The following MFSD6 variants were observed in gnomAD, a reference collection of about 807,000 sequenced individuals.
MFSD6 encodes the protein major facilitator superfamily domain containing 6, also known as major facilitator superfamily domain-containing protein 6.
MFSD6 carries 26 observed loss-of-function variants against 56.3 expected under a neutral mutation model. The ratio of observed to expected loss-of-function variants is 0.46; its 90% CI spans 0.34 to 0.64. The LOEUF is 0.64. Among genes scored for constraint, MFSD6 ranks in the 30% least tolerant of loss-of-function variants. MFSD6 has a pLI of 0.01. For synonymous variants in MFSD6, 331 were observed against 366.9 expected (o/e 0.90, Z 1.12); for missense variants, 750 against 986.2 (o/e 0.76, Z 3.21).
Position 190,458,661 on chromosome 2 carries a change from T to C in MFSD6, c.1533-11097T>C, listed in dbSNP as rs572108171. ...TGACCGTTTCTAGAGATATGGAACT[T>C]GCTGTCTCCAAAGGCAGTGGAGGTC... is the stretch of plus-strand genomic sequence containing the variant. On this transcript the variant is annotated intron_variant, in intron 3 of 7. Coordinates refer to ENST00000392328, the MANE Select transcript of MFSD6 (RefSeq NM_017694.4). The surrounding 1 kb of genome is among the most constrained non-coding windows in gnomAD (Gnocchi z 5.3). Among the ~76,000 whole-genome samples, 1 of 152,306 alleles carries C rather than the reference T, an allele frequency of 6.6e-6. No homozygotes were observed. Among genetic ancestry groups the C allele is most frequent in the African/African-American group, 2.4e-5 (1 of 41,556 alleles).
rs1318611893 is a variant in MFSD6, at chr2:190,471,263, C to T, written c.1630+1408C>T. Among the ~76,000 whole-genome samples the T allele has an allele frequency of 4.6e-5, 7 of 152,272 alleles. No individual in the cohort carries two copies. Among genetic ancestry groups the T allele is most frequent in the South Asian group, 2.1e-4 (1 of 4,822 alleles). On this transcript the variant is annotated intron_variant, in intron 4 of 7. Coordinates refer to ENST00000392328, the MANE Select transcript of MFSD6 (RefSeq NM_017694.4). This position sits in a 1 kb window ranked among gnomAD's most constrained non-coding sequence, Gnocchi z 4.7. ...TGGGTGCAGGATAGTGGGTGCAGCG[C>T]GGTGAGCGTGAGCTGAAGCAGGGCG...
chr2:190,411,890 T>A (rs1449904019), intron 1 of MFSD6: 2 of 985,292 alleles, frequency 2.0e-6, no homozygotes, highest in Non-Finnish European at 2.4e-6. Flanking sequence ...AATTTCTTTC[T>A]TCCTGGTCTT....
At position 190,488,151 on chromosome 2, in the gene MFSD6, T is replaced by C. The variant is rs989405153; in HGVS notation, c.1631-506T>C. 1.3e-5 allele frequency among the ~76,000 whole-genome samples: 2 copies of C among 152,218 alleles called. No individual in the cohort carries two copies. The highest frequency in any genetic ancestry group is 4.8e-5 in the African/African-American group (2 of 41,452). On this transcript the variant is annotated intron_variant, in intron 4 of 7. Transcript: ENST00000392328. This position sits in a 1 kb window ranked among gnomAD's most constrained non-coding sequence, Gnocchi z 6.4. ...CTCCTGACCTCGTGATCCACCCGCC[T>C]CGGCCTCCCAAAGTGCTGGGATTAC...
In MFSD6 at chr2:190,431,867, ATTCC is replaced by A. The variant is rs1686016189; in HGVS notation, c.-53-4107_-53-4104del. Among the ~76,000 whole-genome samples, 3 of 152,196 alleles carry A rather than the reference ATTCC, an allele frequency of 2.0e-5. No individual in the cohort carries two copies. The highest frequency in any genetic ancestry group is 7.2e-5 in the African/African-American group (3 of 41,446). ...AAATTCCAGAGCTTTTTATTCAAGTATTCCTTTTATCTGTCCATCCTTTTTCTTT... is the reference window on the plus strand; with the variant it reads ...AAATTCCAGAGCTTTTTATTCAAGTATTTTATCTGTCCATCCTTTTTCTTT... On this transcript the variant is annotated intron_variant, in intron 2 of 7. Coordinates refer to ENST00000392328, the MANE Select transcript of MFSD6 (RefSeq NM_017694.4). The surrounding 1 kb of genome is among the most constrained non-coding windows in gnomAD (Gnocchi z 4.4).
Position 190,490,987 on chromosome 2 carries a change from G to T in MFSD6, c.1891+1121G>T, listed in dbSNP as rs1446529436. On this transcript the variant is annotated intron_variant, in intron 6 of 7. Transcript: ENST00000392328. The surrounding 1 kb of genome is among the most constrained non-coding windows in gnomAD (Gnocchi z 4.5). ...TCTCTCTTACACAGCCTCAGTCCAT[G>T]CCTCATGTAAAAGACCAATAAAAAT... Among the ~76,000 whole-genome samples the T allele has an allele frequency of 6.6e-6, 1 of 152,160 alleles. No individual in the cohort carries two copies. The highest frequency in any genetic ancestry group is 1.5e-5 in the Non-Finnish European group (1 of 68,034).
chr2:190,478,272 G>A (rs1399924054), intron 4 of MFSD6, among the ~76,000 whole-genome samples: 1 of 152,172 alleles, frequency 6.6e-6, no homozygotes, highest in Non-Finnish European at 1.5e-5. Context: ...CAGCCTCCTA[G>A]TGCAACAGAG....
In MFSD6 at chr2:190,485,541, G is replaced by GA. The variant is rs1016737790; in HGVS notation, c.1631-3108dup. Among the ~76,000 whole-genome samples the GA allele has an allele frequency of 4.5e-4, 69 of 151,668 alleles. No individual in the cohort carries two copies. Among genetic ancestry groups the GA allele is most frequent in the South Asian group, 2.9e-3 (14 of 4,812 alleles). On this transcript the variant is annotated intron_variant, in intron 4 of 7. Coordinates refer to ENST00000392328, the MANE Select transcript of MFSD6 (RefSeq NM_017694.4). This position sits in a 1 kb window ranked among gnomAD's most constrained non-coding sequence, Gnocchi z 5.1. ...GAGTTTTTCCCCCAGTGTGGTTAAT[G>GA]AAAAAAAATCTGCATATGTGAAAAG...
chr2:190,482,454 A>G (rs1042298584), intron 4 of MFSD6, among the ~76,000 whole-genome samples: 1 of 147,230 alleles, frequency 6.8e-6, no homozygotes. Context: ...TGGTCTATTC[A>G]TGGGAAAGGT....
In MFSD6 at chr2:190,457,260, CT is replaced by C. The variant is rs1177038130; in HGVS notation, c.1533-12497del. 4.6e-5 allele frequency among the ~76,000 whole-genome samples: 7 copies of C among 152,324 alleles called. No individual in the cohort carries two copies. ...CCGACTTTGTGGCCCCGGTCCACCC[CT>C]GTGGCCCTCTCCTTCCTTGTCTCTG... On this transcript the variant is annotated intron_variant, in intron 3 of 7. Coordinates refer to ENST00000392328, the MANE Select transcript of MFSD6 (RefSeq NM_017694.4). The surrounding 1 kb of genome is among the most constrained non-coding windows in gnomAD (Gnocchi z 5.1).
rs1686204143 is a variant in MFSD6 at position 190,437,129 on chromosome 2, AT to A, written c.1102del (p.Tyr368ThrfsTer12). ...GGGTGTAAGCCCCCCGAGTACAGGA[AT>A]TACCAGATCGTCTTCATCGTCTTCG... ...GKGCKPPEYR[N>X]YQIVFIVFGV... is the part of the protein sequence containing the mutation. On this transcript the variant is annotated frameshift_variant, in exon 3 of 8. Transcript: ENST00000392328. LOFTEE classifies it high-confidence loss of function. This position sits in a 1 kb window ranked among gnomAD's most constrained non-coding sequence, Gnocchi z 5.9. The A allele has an allele frequency of 6.2e-7, 1 of 1,614,260 alleles. No homozygotes were observed. The highest frequency in any genetic ancestry group is 8.5e-7 in the Non-Finnish European group (1 of 1,180,046).
rs1443792519 is a variant in MFSD6 at position 190,489,488 on chromosome 2, CATTGA to C, written c.1793-275_1793-271del. Among the ~76,000 whole-genome samples, 6 of 152,040 alleles carry C rather than the reference CATTGA, an allele frequency of 3.9e-5. No homozygotes were observed. The highest frequency in any genetic ancestry group is 1.5e-4 in the African/African-American group (6 of 41,368). Reference sequence around the variant, plus strand: ...TCTTTTCATATGAAGAGGAGAGCACCATTGAATTGTATGAGTCATGGTGAAAGGCA... The same window carrying C: ...TCTTTTCATATGAAGAGGAGAGCACCATTGTATGAGTCATGGTGAAAGGCA... On this transcript the variant is annotated intron_variant, in intron 5 of 7. Coordinates refer to ENST00000392328, the MANE Select transcript of MFSD6 (RefSeq NM_017694.4). The surrounding 1 kb of genome is among the most constrained non-coding windows in gnomAD (Gnocchi z 6.6).
chr2:190,468,619 ATTTTTT>A (rs71027223), intron 3 of MFSD6, among the ~76,000 whole-genome samples: 2 of 128,032 alleles, frequency 1.6e-5, no homozygotes, highest in Non-Finnish European at 3.3e-5. Flanking sequence ...AGCCTGGCTA[ATTTTTT>A]TTTTTTTTTT....
chr2:190,495,111 C>T lies in MFSD6; in HGVS notation c.1892-2328C>T, dbSNP rs953649358. Among the ~76,000 whole-genome samples the T allele has an allele frequency of 6.6e-6, 1 of 152,078 alleles. No homozygotes were observed. The highest frequency in any genetic ancestry group is 1.5e-5 in the Non-Finnish European group (1 of 67,986). On this transcript the variant is annotated intron_variant, in intron 6 of 7. Transcript: ENST00000392328. The surrounding 1 kb of genome is among the most constrained non-coding windows in gnomAD (Gnocchi z 4.7). The stretch of plus-strand genomic sequence containing the variant: ...TATACCTAGAAAACCCTAAAGACTC[C>T]TCCTAAAAGCTCTTAGAACTGATAA...
intron 3 of MFSD6, among the ~76,000 whole-genome samples, chr2:190,445,684 T>C (rs1457246752): frequency 1.3e-5 from 2 of 152,166 alleles, no homozygotes; most frequent in African/African-American, 4.8e-5. Context: ...CATAAGGTCT[T>C]TTTCCTCTCC....
intron 3 of MFSD6, among the ~76,000 whole-genome samples, chr2:190,449,556 CAT>C (rs1686699525): frequency 6.6e-6 from 1 of 152,116 alleles, no homozygotes; most frequent in South Asian, 2.1e-4. Flanking sequence ...CACATGCACA[CAT>C]ATGACACATA....
At position 190,436,908 on chromosome 2, in the gene MFSD6, A is replaced by G. The variant is rs1340859003; in HGVS notation, c.879A>G (p.Val293=). The change falls in exon 3 of 8, where the codon GTA becomes GTG. Residue 293 remains valine, a synonymous_variant. Transcript: ENST00000392328. The surrounding 1 kb of genome is among the most constrained non-coding windows in gnomAD (Gnocchi z 5.3). ...AAGCTATATTCTTGGTGATCTTGGT[A>G]GTTGTCATAATAGGAGAATTTTTCA... ...EVEAIFLVIL[V]VVIIGEFFSA... 1.2e-6 allele frequency: 2 copies of G among 1,614,228 alleles called. No homozygotes were observed. The highest frequency in any genetic ancestry group is 2.2e-5 in the South Asian group (2 of 91,086).
intron 4 of MFSD6, among the ~76,000 whole-genome samples, chr2:190,486,919 T>TTA (rs1285087256): frequency 2.6e-5 from 4 of 152,244 alleles, no homozygotes; most frequent in Non-Finnish European, 4.4e-5. Flanking sequence ...ATGCAGTTAC[T>TTA]ACATAATAAG....
rs146139763 is a variant in MFSD6, at chr2:190,443,751, G to T, written c.1532+6190G>T. On this transcript the variant is annotated intron_variant, in intron 3 of 7. Transcript: ENST00000392328. This position sits in a 1 kb window ranked among gnomAD's most constrained non-coding sequence, Gnocchi z 4.2. ...AGAATCTTTTGCTCTTATAAACAAA[G>T]GTTGTCTTCTTAAAGATTAGTCTAG... Among the ~76,000 whole-genome samples, 1,338 of 152,212 alleles carry T rather than the reference G, an allele frequency of 8.8e-3. 10 individuals carry two copies. The highest frequency in any genetic ancestry group is 0.06 in the South Asian group (289 of 4,820).
Position 190,413,161 on chromosome 2 carries a change from C to T in MFSD6, c.-175-2131C>T, listed in dbSNP as rs1431912659. On this transcript the variant is annotated intron_variant, in intron 1 of 7. Coordinates refer to ENST00000392328, the MANE Select transcript of MFSD6 (RefSeq NM_017694.4). The surrounding 1 kb of genome is among the most constrained non-coding windows in gnomAD (Gnocchi z 4.1). Reference sequence around the variant, plus strand: ...ATGTATTCAAAGTAGCCTCTCCCTGCCTTGATCCATTATGATGTAAATCTA... The same window carrying T: ...ATGTATTCAAAGTAGCCTCTCCCTGTCTTGATCCATTATGATGTAAATCTA... Among the ~76,000 whole-genome samples the T allele has an allele frequency of 6.6e-6, 1 of 152,132 alleles. No homozygotes were observed. Among genetic ancestry groups the T allele is most frequent in the Middle Eastern group, 3.2e-3 (1 of 316 alleles).
Sources: gnomAD v4.1 joint callset for allele counts (sites outside exome capture counted in the v4.1 genomes callset) on GRCh38, gnomAD v4.1.1 for gene constraint, Gnocchi (gnomAD v3.1) non-coding constraint, MANE v1.5 for transcripts, NCBI Gene and HGNC (gene_info 2026-07-23, HGNC 2026-07-21) for gene names.